Variants in HK1 observed in about 807,000 individuals in gnomAD.
HK1 encodes the protein hexokinase-1.
Under a neutral mutation model 91.6 loss-of-function variants are expected in HK1, and 28 were observed. The observed-to-expected ratio is 0.31, with a 90% CI of 0.23 to 0.42. HK1 has a LOEUF of 0.42. HK1 is among the 10% of genes least tolerant of loss of function. The probability of loss-of-function intolerance (pLI) is 1.00; values close to 1 mark genes in which losing one functional copy is unlikely to be tolerated. For missense variants in HK1, 770 were observed against 1,219.8 expected (o/e 0.63, Z 5.49); for synonymous variants, 430 against 468.1 (o/e 0.92, Z 1.05).
rs529282095 is a variant in HK1 at position 69,342,097 on chromosome 10, A to G, written c.64-1730A>G. On this transcript the variant is annotated intron_variant, in intron 1 of 17. Transcript: ENST00000359426. ...TGGGAGGTGGAGGTTGCAGTGAGCC[A>G]AGATTCTGCCACTGCATTCCAGCCT... Among the ~76,000 whole-genome samples the G allele has an allele frequency of 1.6e-3, 244 of 152,238 alleles. 1 individual carries two copies. The highest frequency in any genetic ancestry group is 4.3e-3 in the Admixed American group (65 of 15,288).
At chr10:69,291,528 C>T (rs760894029) in intron 3 of HK1, among the ~76,000 whole-genome samples, 3 of 152,176 alleles carry the variant, frequency 2.0e-5, no homozygotes, top group Non-Finnish European at 2.9e-5. Flanking sequence ...GATGGGGAAA[C>T]TGAGGCTTAG....
rs763751581 is a variant in HK1 at position 69,401,150 on chromosome 10, C to T, written c.*15C>T. 20 of 1,611,008 alleles carry T rather than the reference C, an allele frequency of 1.2e-5. No homozygotes were observed. Among genetic ancestry groups the T allele is most frequent in the Admixed American group, 5.0e-5 (3 of 59,710 alleles). ...CAAGCAGCTAAGAGTCCGGGATCCCCAGCCTACTGCCTCTCCAGCACTTCT... is the reference window on the plus strand; with the variant it reads ...CAAGCAGCTAAGAGTCCGGGATCCCTAGCCTACTGCCTCTCCAGCACTTCT... On this transcript the variant is annotated 3_prime_UTR_variant, in exon 18 of 18. Transcript: ENST00000359426.
chr10:69,352,207 G>T (rs1848909928), intron 2 of HK1, among the ~76,000 whole-genome samples: 1 of 152,020 alleles, frequency 6.6e-6, no homozygotes, highest in Admixed American at 6.6e-5. Flanking sequence ...TGGCCAGGCT[G>T]GTCTCGAACT....
chr10:69,278,584 C>A (rs5030949), intron 1 of HK1: 39,769 of 152,060 alleles, frequency 0.26, 6,064 homozygotes, highest in East Asian at 0.56. Flanking sequence ...AAGCTTGGAT[C>A]CGAACTGTTG....
chr10:69,396,882 C>T (rs1458200352), intron 16 of HK1, among the ~76,000 whole-genome samples: 1 of 151,982 alleles, frequency 6.6e-6, no homozygotes, highest in Admixed American at 6.6e-5. Context: ...ATGGGGTTTC[C>T]CCATGTTGAT....
intron 4 of HK1, among the ~76,000 whole-genome samples, chr10:69,299,356 G>GTTTT (rs869272971): frequency 0.02 from 2,676 of 131,806 alleles, 110 homozygotes; most frequent in African/African-American, 0.071. Flanking sequence ...TTTGTTTGTG[G>GTTTT]TTTTTGTTTG....
At chr10:69,317,821 T>C (rs978134413), upstream of HK1, among the ~76,000 whole-genome samples, 1 of 152,232 alleles carries the variant, frequency 6.6e-6, no homozygotes, top group African/African-American at 2.4e-5. Flanking sequence ...GCTCATTACA[T>C]GTCATTTTGT....
chr10:69,389,166 T>C (rs1215150656), intron 13 of HK1, 31 bp from the exon 14 acceptor site: 1 of 1,556,930 alleles, frequency 6.4e-7, no homozygotes, highest in Non-Finnish European at 8.9e-7. Context: ...AGTGATCCTA[T>C]TCCTAAAGCT....
In HK1 at chr10:69,318,893, G is replaced by GCTGCGGAGGACCGACCGTCCCCACGC. The variant is rs1846829046; in HGVS notation, c.-50_-25dup. ...CGCCGGAGGACCACGGCTCGCCAGG[G>GCTGCGGAGGACCGACCGTCCCCACGC]CTGCGGAGGACCGACCGTCCCCACG... On this transcript the variant is annotated 5_prime_UTR_variant, in exon 1 of 18. Coordinates refer to ENST00000359426, the MANE Select transcript of HK1 (RefSeq NM_000188.3). 1.5e-5 allele frequency: 23 copies of GCTGCGGAGGACCGACCGTCCCCACGC among 1,540,096 alleles called. No individual in the cohort carries two copies. In the South Asian group the frequency reaches 2.5e-4, roughly 17 times the overall value.
chr10:69,362,434 GTTTTT>G (rs34834335), intron 3 of HK1, among the ~76,000 whole-genome samples: 6,871 of 135,490 alleles, frequency 0.051, 536 homozygotes, highest in African/African-American at 0.17. Context: ...AGAAAATAAT[GTTTTT>G]TTTTTTTTTT....
At chr10:69,301,271 ACTT>A (rs1331526268) in intron 5 of HK1, among the ~76,000 whole-genome samples, 1 of 150,178 alleles carries the variant, frequency 6.7e-6, no homozygotes, top group Non-Finnish European at 1.5e-5. Context: ...ATTAAATTGT[ACTT>A]CTTCTATAAA....
At position 69,320,872 on chromosome 10, in the gene HK1, C is replaced by G. The variant is rs141163918; in HGVS notation, c.63+1862C>G. ...TCTAGGGTGGGCCCAGAGCTCTCCA[C>G]TCCTGTGGGTGGCTCAATTCACATC... is the stretch of plus-strand genomic sequence containing the variant. On this transcript the variant is annotated intron_variant, in intron 1 of 17. Transcript: ENST00000359426. Among the ~76,000 whole-genome samples, 4 of 152,322 alleles carry G rather than the reference C, an allele frequency of 2.6e-5. No homozygotes were observed. In the East Asian group the frequency reaches 7.7e-4, roughly 29 times the overall value.
intron 3 of HK1, among the ~76,000 whole-genome samples, chr10:69,295,366 A>G (rs774502206): frequency 1.9e-4 from 29 of 151,606 alleles, no homozygotes; most frequent in Non-Finnish European, 2.5e-4. Flanking sequence ...TTCATCTTGG[A>G]CTCTCCAGCT....
At chr10:69,300,747 TG>T in intron 4 of HK1, 1 of 1,363,846 alleles carries the variant, frequency 7.3e-7, no homozygotes, top group Non-Finnish European at 1.0e-6. Context: ...CCTAAGAACC[TG>T]GTGTTTGTCT....
At position 69,369,171 on chromosome 10, in the gene HK1, T is replaced by C. The variant is rs1238536666; in HGVS notation, c.592-66T>C. ...AAACGGGAGCACTTCTGCCAAGCGC[T>C]GTTAAGGTGTGTGATCTCTGCTCCC... On this transcript the variant is annotated intron_variant, in intron 5 of 17. Transcript: ENST00000359426. This position sits in a 1 kb window ranked among gnomAD's most constrained non-coding sequence, Gnocchi z 4.4. The C allele has an allele frequency of 1.6e-6, 2 of 1,212,284 alleles. No individual in the cohort carries two copies. Among genetic ancestry groups the C allele is most frequent in the African/African-American group, 1.5e-5 (1 of 67,204 alleles). The allele number at this position is 1,212,284 out of a possible 1,614,324, so 75.1% of individuals were successfully genotyped here. A position where few individuals can be genotyped will look rare whatever the true frequency, so the allele number is the denominator to read the frequency against.
intron 2 of HK1, among the ~76,000 whole-genome samples, chr10:69,288,104 C>T (rs529839286): frequency 3.3e-5 from 5 of 152,166 alleles, no homozygotes; most frequent in Admixed American, 2.0e-4. Flanking sequence ...CAGTGTGCTA[C>T]GATGGCACCA....
chr10:69,305,994 C>T (rs1043633386), intron 5 of HK1, among the ~76,000 whole-genome samples: 1 of 152,114 alleles, frequency 6.6e-6, no homozygotes, highest in African/African-American at 2.4e-5. Flanking sequence ...AAAAAAGAGA[C>T]ATAAGCCACA....
intron 5 of HK1, among the ~76,000 whole-genome samples, chr10:69,306,152 T>G (rs936053186): frequency 1.3e-5 from 2 of 151,750 alleles, no homozygotes; most frequent in African/African-American, 2.4e-5. Flanking sequence ...GTCAGGAGAT[T>G]GAGACTATCC....
At chr10:69,297,049 C>T (rs1374229599) in intron 4 of HK1, among the ~76,000 whole-genome samples, 1 of 152,160 alleles carries the variant, frequency 6.6e-6, no homozygotes, top group Non-Finnish European at 1.5e-5. Flanking sequence ...ACCACCCCCA[C>T]ATCATGCAGT....
Sources: allele counts gnomAD v4.1 joint callset (sites outside exome capture counted in the v4.1 genomes callset), GRCh38; gene constraint gnomAD v4.1.1; non-coding constraint Gnocchi (gnomAD v3.1); transcripts MANE v1.5; gene names NCBI Gene and HGNC (gene_info 2026-07-23, HGNC 2026-07-21).